Variants in PPP2R2B observed in about 807,000 individuals in gnomAD.
PPP2R2B encodes the protein serine/threonine-protein phosphatase 2A 55 kDa regulatory subunit B beta isoform.
PPP2R2B carries 5 observed loss-of-function variants against 46.0 expected under a neutral mutation model. That is an observed-to-expected ratio of 0.11 (90% confidence interval 0.06 to 0.23). The LOEUF (loss-of-function observed/expected upper bound fraction) is 0.23, where lower values mean the gene tolerates loss of function less well. Among genes scored for constraint, PPP2R2B ranks in the 10% least tolerant of loss-of-function variants. The pLI, the probability that PPP2R2B is intolerant of heterozygous loss-of-function variation, is 1.00. For missense variants in PPP2R2B, 367 were observed against 575.0 expected (o/e 0.64, Z 3.70); for synonymous variants, 215 against 206.7 (o/e 1.04, Z -0.34).
intron 8 of PPP2R2B, among the ~76,000 whole-genome samples, chr5:146,593,820 T>C (rs923528221): frequency 1.3e-5 from 2 of 152,190 alleles, no homozygotes; most frequent in Non-Finnish European, 2.9e-5. Context: ...AGGCCCTTTA[T>C]TCTGAGGAAG....
intron 6 of PPP2R2B, among the ~76,000 whole-genome samples, chr5:146,639,295 C>A (rs576146681): frequency 4.6e-5 from 7 of 152,166 alleles, no homozygotes; most frequent in Non-Finnish European, 8.8e-5. Flanking sequence ...GTTTTAGGGT[C>A]CCGTGGAAAA....
chr5:147,008,411 C>G (rs1350168025), intron 1 of PPP2R2B, among the ~76,000 whole-genome samples: 1 of 152,036 alleles, frequency 6.6e-6, no homozygotes, highest in Non-Finnish European at 1.5e-5. Context: ...TTATGAAACA[C>G]CTTATGAAGG....
chr5:146,930,508 G>A (rs1429879693), intron 1 of PPP2R2B, among the ~76,000 whole-genome samples: 1 of 152,184 alleles, frequency 6.6e-6, no homozygotes, highest in Admixed American at 6.5e-5. Flanking sequence ...CCAGTGGTCT[G>A]GATGGGAAGA....
intron 2 of PPP2R2B, among the ~76,000 whole-genome samples, chr5:146,751,993 A>G (rs1423639129): frequency 6.6e-6 from 1 of 152,076 alleles, no homozygotes; most frequent in Non-Finnish European, 1.5e-5. Context: ...GATCATGTGA[A>G]ACTGCAGGCC....
intron 2 of PPP2R2B, among the ~76,000 whole-genome samples, chr5:146,805,126 A>G (rs1757098306): frequency 6.6e-6 from 1 of 152,170 alleles, no homozygotes; most frequent in Non-Finnish European, 1.5e-5. Context: ...TGATTAGCCA[A>G]ATGCTTAGAT....
At chr5:147,016,039 A>G (rs1754989610) in intron 1 of PPP2R2B, among the ~76,000 whole-genome samples, 1 of 151,598 alleles carries the variant, frequency 6.6e-6, no homozygotes, top group African/African-American at 2.4e-5. Flanking sequence ...AACCAAGACC[A>G]TCACTTTGTC....
At chr5:147,065,697 A>T (rs113540351) in intron 2 of PPP2R2B, among the ~76,000 whole-genome samples, 12 of 152,082 alleles carry the variant, frequency 7.9e-5, no homozygotes, top group African/African-American at 2.9e-4. Context: ...AGGGAAAATG[A>T]CATATGACTT....
chr5:147,074,584 TTTTA>T (rs1386700564), intron 2 of PPP2R2B, among the ~76,000 whole-genome samples: 4 of 152,144 alleles, frequency 2.6e-5, no homozygotes, highest in African/African-American at 9.7e-5. Flanking sequence ...CCCAGTTGGT[TTTTA>T]TTTATTTATT....
At chr5:146,658,846 T>C (rs1281640422) in intron 5 of PPP2R2B, among the ~76,000 whole-genome samples, 1 of 152,236 alleles carries the variant, frequency 6.6e-6, no homozygotes, top group Admixed American at 6.5e-5. Flanking sequence ...CATTATGAGA[T>C]GCATTTCTAA....
intron 1 of PPP2R2B, among the ~76,000 whole-genome samples, chr5:147,000,165 AC>A (rs1404242225): frequency 6.6e-6 from 1 of 152,156 alleles, no homozygotes; most frequent in Non-Finnish European, 1.5e-5. Flanking sequence ...TTTATCACAA[AC>A]TTTTGCATTA....
chr5:146,697,984 G>T lies in PPP2R2B; in HGVS notation c.329C>A (p.Thr110Asn). 1 of 1,610,354 alleles carries T rather than the reference G, an allele frequency of 6.2e-7. No individual in the cohort carries two copies. The highest frequency in any genetic ancestry group is 8.5e-7 in the Non-Finnish European group (1 of 1,178,534). Residue 110 changes from threonine to asparagine, a missense_variant, in exon 4 of 10, where the codon ACT becomes AAT. Coordinates refer to ENST00000394411, the MANE Select transcript of PPP2R2B (RefSeq NM_181675.4). ...QQNAAYFLLS[T>N]NDKTVKLWKV... is the part of the protein sequence containing the mutation. ...CAAACAGGAATTCCACCTACCATTA[G>T]TAGACAGAAGAAAGTAAGCTGCATT...
intron 2 of PPP2R2B, among the ~76,000 whole-genome samples, chr5:146,817,560 T>C (rs1467009417): frequency 1.3e-5 from 2 of 152,244 alleles, no homozygotes; most frequent in East Asian, 3.8e-4. Context: ...TTTTCCCTTT[T>C]AATGTAGATC....
chr5:146,641,581 T>C, intron 6 of PPP2R2B, among the ~76,000 whole-genome samples: 1 of 151,014 alleles, frequency 6.6e-6, no homozygotes, highest in South Asian at 2.1e-4. Flanking sequence ...GATTTTTACC[T>C]GCTGGAGGAT....
intron 2 of PPP2R2B, among the ~76,000 whole-genome samples, chr5:146,844,147 G>A (rs907038234): frequency 2.4e-4 from 31 of 131,496 alleles, no homozygotes; most frequent in African/African-American, 9.0e-4. Flanking sequence ...GGTGGGAATT[G>A]AACAATGAGA....
At chr5:146,733,543 G>T (rs1752355782) in intron 2 of PPP2R2B, among the ~76,000 whole-genome samples, 1 of 152,202 alleles carries the variant, frequency 6.6e-6, no homozygotes, top group Non-Finnish European at 1.5e-5. Flanking sequence ...ACTTGCTAAA[G>T]CTTGAGACTA....
At chr5:146,810,587 C>T (rs959927838) in intron 2 of PPP2R2B, among the ~76,000 whole-genome samples, 1 of 152,150 alleles carries the variant, frequency 6.6e-6, no homozygotes, top group African/African-American at 2.4e-5. Context: ...GGTGAATCGT[C>T]CAGCCAGGAT....
chr5:146,856,890 A>C (rs1760704431), intron 2 of PPP2R2B, among the ~76,000 whole-genome samples: 1 of 152,166 alleles, frequency 6.6e-6, no homozygotes, highest in Admixed American at 6.5e-5. Context: ...GGGAAACTGA[A>C]AAAATCAAAC....
intron 5 of PPP2R2B, among the ~76,000 whole-genome samples, chr5:146,676,835 C>T (rs1331208844): frequency 6.6e-6 from 1 of 152,136 alleles, no homozygotes; most frequent in Non-Finnish European, 1.5e-5. Context: ...TTTTAAAATG[C>T]ATAGCAAGAA....
chr5:146,781,705 A>G (rs988808402), intron 2 of PPP2R2B, among the ~76,000 whole-genome samples: 1 of 152,150 alleles, frequency 6.6e-6, no homozygotes, highest in African/African-American at 2.4e-5. Context: ...CCACCACCAC[A>G]TTTCACAGAA....
Sources: gnomAD v4.1 joint callset for allele counts (sites outside exome capture counted in the v4.1 genomes callset) on GRCh38, gnomAD v4.1.1 for gene constraint, MANE v1.5 for transcripts, NCBI Gene and HGNC (gene_info 2026-07-23, HGNC 2026-07-21) for gene names.